The following ZNF718 variants were observed in gnomAD, a reference collection of about 807,000 sequenced individuals.
The protein encoded by ZNF718 is zinc finger protein 718.
A neutral mutation model predicts 2.6 loss-of-function variants in ZNF718; 3 were observed. That is an observed-to-expected ratio of 1.16 (90% CI 0.53 to 3.01). The LOEUF (loss-of-function observed/expected upper bound fraction) is 3.01. ZNF718 is among the 30% of genes most tolerant of loss of function. ZNF718 has a pLI of 0.03. For missense variants in ZNF718, 468 were observed against 230.0 expected (o/e 2.03, Z -6.69); for synonymous variants, 135 against 77.9 (o/e 1.73, Z -3.86).
At chr4:170,930 TAG>T (rs1717211254) in intron 3 of ZNF718, among the ~76,000 whole-genome samples, 2 of 152,210 alleles carry the variant, frequency 1.3e-5, no homozygotes, top group South Asian at 4.1e-4. Flanking sequence ...CTCTGATTTT[TAG>T]AGTTTCCAGT....
chr4:180,227 C>T (rs1330459109), intron 3 of ZNF718, among the ~76,000 whole-genome samples: 1 of 152,188 alleles, frequency 6.6e-6, no homozygotes, highest in Non-Finnish European at 1.5e-5. Context: ...AAGTTACCTA[C>T]ACTTTTTTTG....
At chr4:175,573 A>C (rs1717329382) in intron 3 of ZNF718, among the ~76,000 whole-genome samples, 1 of 152,216 alleles carries the variant, frequency 6.6e-6, no homozygotes, top group East Asian at 1.9e-4. Flanking sequence ...TATCTTGTGC[A>C]GCACCAGGAG....
intron 1 of ZNF718, among the ~76,000 whole-genome samples, chr4:130,200 A>G (rs1715316417): frequency 9.6e-6 from 1 of 104,042 alleles, no homozygotes; most frequent in African/African-American, 3.3e-5. Context: ...GAGTGTCAGC[A>G]ATAAGAAGAC....
Position 186,165 on chromosome 4 carries a change from G to A in ZNF718, c.227-14916G>A, listed in dbSNP as rs189257523. Among the ~76,000 whole-genome samples the A allele has an allele frequency of 1.1e-4, 17 of 152,200 alleles. No homozygotes were observed. The East Asian group carries it at 3.3e-3, about 29-fold the overall frequency. On this transcript the variant is annotated intron_variant and NMD_transcript_variant, in intron 3 of 4. Transcript: ENST00000642529. The stretch of plus-strand genomic sequence containing the variant: ...TTTAGTGCTTCCTTCAGGAGATCTT[G>A]TCTGGCAAGTCTGCTGGTAATAAAT...
chr4:170,810 G>T (rs1553817821), intron 3 of ZNF718, among the ~76,000 whole-genome samples: 1 of 152,000 alleles, frequency 6.6e-6, no homozygotes, highest in Non-Finnish European at 1.5e-5. Flanking sequence ...CTTTAGTTCG[G>T]AGTAGTTTGA....
rs965048070 is a variant in ZNF718, at chr4:148,833, A to G, written c.227-12079A>G. Among the ~76,000 whole-genome samples, 6 of 152,196 alleles carry G rather than the reference A, an allele frequency of 3.9e-5. No individual in the cohort carries two copies. The South Asian group carries it at 8.3e-4, about 21-fold the overall frequency. The stretch of plus-strand genomic sequence containing the variant: ...GACACAGGACATTATGAATTCTCCT[A>G]AGTGTCTTGGCAGATGGTGATAGTG... On this transcript the variant is annotated intron_variant, in intron 3 of 3. Transcript: ENST00000510175.
In ZNF718 at chr4:161,763, A is replaced by G. The variant is rs1410268925; in HGVS notation, c.1078A>G (p.Ile360Val). ...RSTTLTTHKR[I>V]HTGEKPYTCE... The stretch of plus-strand genomic sequence containing the variant: ...CACAACTCTTACGACACATAAGAGA[A>G]TCCATACTGGAGAGAAACCCTACAC... The change falls in exon 4 of 4, where the codon ATC becomes GTC. Residue 360 changes from isoleucine to valine, a missense_variant. Ile to Val is a conservative substitution (Grantham distance 29). Transcript: ENST00000510175. The G allele has an allele frequency of 2.6e-6, 2 of 780,478 alleles. No homozygotes were observed. Among genetic ancestry groups the G allele is most frequent in the Non-Finnish European group, 2.4e-6 (1 of 417,900 alleles). 48.3% of individuals were successfully genotyped at this position (780,478 alleles called of 1,614,324 possible).
At chr4:201,664 G>A (rs1717905041) in exon 5 of ZNF718, 3 of 181,370 alleles carry the variant, frequency 1.7e-5, no homozygotes, top group Admixed American at 5.3e-5. Flanking sequence ...CTTTATCAGG[G>A]CAATTGCTGA....
chr4:156,796 T>G (rs1165470998), intron 3 of ZNF718, among the ~76,000 whole-genome samples: 1 of 152,188 alleles, frequency 6.6e-6, no homozygotes, highest in Non-Finnish European at 1.5e-5. Context: ...ATTTTTTGCT[T>G]CTAAAAAACT....
chr4:127,016 G>A (rs1336574510), intron 1 of ZNF718, among the ~76,000 whole-genome samples: 1 of 152,026 alleles, frequency 6.6e-6, no homozygotes, highest in Non-Finnish European at 1.5e-5. Flanking sequence ...AGTAGAGACG[G>A]GGTTTCGCCA....
intron 3 of ZNF718, among the ~76,000 whole-genome samples, chr4:156,928 C>T (rs1280801283): frequency 6.6e-6 from 1 of 151,990 alleles, no homozygotes; most frequent in Non-Finnish European, 1.5e-5. Flanking sequence ...TTCATGTGAC[C>T]ATGTATATGA....
rs1298007772 is a variant in ZNF718 at position 133,183 on chromosome 4, AAAAAAAAAAAAAATATATATATATATAT to A, written c.226+1680_226+1707del. On this transcript the variant is annotated intron_variant, in intron 3 of 3. Transcript: ENST00000510175. ...ACACAGCAAGACTCCATCTTAAAAA[AAAAAAAAAAAAAATATATATATATATAT>A]ATATATATATATATATATGGTAACA... 1.9e-3 allele frequency among the ~76,000 whole-genome samples: 45 copies of A among 23,298 alleles called. 15 individuals are homozygous for A. The highest frequency in any genetic ancestry group is 7.5e-3 in the African/African-American group (39 of 5,228). 15.3% of individuals were successfully genotyped at this position (23,298 alleles called of 152,430 possible).
In ZNF718 at chr4:135,732, T is replaced by TTATATATATATATATATA. The variant is rs1303050207; in HGVS notation, c.226+4236_226+4237insATATATATATATATATAT. The stretch of plus-strand genomic sequence containing the variant: ...GAGTTTTTGTTCATTTACTCTAGAG[T>TTATATATATATATATATA]TATATATATGTGCATGATTATATAA... On this transcript the variant is annotated intron_variant, in intron 3 of 3. Coordinates refer to ENST00000510175, the MANE Select transcript of ZNF718 (RefSeq NM_001039127.6). 3.1e-3 allele frequency among the ~76,000 whole-genome samples: 242 copies of TTATATATATATATATATA among 77,614 alleles called. 17 individuals are homozygous for TTATATATATATATATATA. The highest frequency in any genetic ancestry group is 0.01 in the East Asian group (18 of 1,722). 50.9% of individuals were successfully genotyped at this position (77,614 alleles called of 152,430 possible). A position where few individuals can be genotyped will look rare whatever the true frequency, so the allele number is the denominator to read the frequency against.
downstream of ZNF718, among the ~76,000 whole-genome samples, chr4:168,770 T>C (rs1459416410): frequency 1.3e-5 from 2 of 152,184 alleles, no homozygotes; most frequent in African/African-American, 4.8e-5. Flanking sequence ...TTGCTAGTGG[T>C]CTATCAATTT....
rs1553807529 is a variant in ZNF718 at position 124,547 on chromosome 4, C to T, written c.-124C>T. The T allele has an allele frequency of 5.6e-6, 8 of 1,420,384 alleles. No individual in the cohort carries two copies. Among genetic ancestry groups the T allele is most frequent in the Non-Finnish European group, 6.9e-6 (7 of 1,021,560 alleles). 88.0% of individuals were successfully genotyped at this position (1,420,384 alleles called of 1,614,324 possible). A position where few individuals can be genotyped will look rare whatever the true frequency, so the allele number is the denominator to read the frequency against. On this transcript the variant is annotated 5_prime_UTR_variant, in exon 1 of 4. Coordinates refer to ENST00000510175, the MANE Select transcript of ZNF718 (RefSeq NM_001039127.6). Reference sequence around the variant, plus strand: ...CCAGAGCTCGGTTAGGGCCTCATCGCTCTGCTCCCGCTCCTTAGGGAAGCC... The same window carrying T: ...CCAGAGCTCGGTTAGGGCCTCATCGTTCTGCTCCCGCTCCTTAGGGAAGCC...
Position 129,616 on chromosome 4 carries a change from T to C in ZNF718, c.4-1172T>C, listed in dbSNP as rs1715304480. On this transcript the variant is annotated intron_variant, in intron 1 of 3. Coordinates refer to ENST00000510175, the MANE Select transcript of ZNF718 (RefSeq NM_001039127.6). ...AAAGTCAGTGTTTCTAGAGACATCC[T>C]ATCCAGCAACCTGTTCCCCATCTCT... is the stretch of plus-strand genomic sequence containing the variant. Among the ~76,000 whole-genome samples, 2 of 104,634 alleles carry C rather than the reference T, an allele frequency of 1.9e-5. 1 individual carries two copies. Among genetic ancestry groups the C allele is most frequent in the African/African-American group, 6.6e-5 (2 of 30,156 alleles). 68.6% of individuals were successfully genotyped at this position (104,634 alleles called of 152,430 possible).
rs1403727677 is a variant in ZNF718 at position 128,857 on chromosome 4, C to T, written c.4-1931C>T. On this transcript the variant is annotated intron_variant, in intron 1 of 3. Transcript: ENST00000510175. ...GGTTCTTTGGTGAAAAATGAGGAAT[C>T]TGGAGACTCAAACTGATCAATAAGC... is the stretch of plus-strand genomic sequence containing the variant. Among the ~76,000 whole-genome samples, 5 of 104,148 alleles carry T rather than the reference C, an allele frequency of 4.8e-5. 2 individuals are homozygous for T. The highest frequency in any genetic ancestry group is 1.1e-4 in the Non-Finnish European group (5 of 46,718). The allele number at this position is 104,148 out of a possible 152,430, so 68.3% of individuals were successfully genotyped here. A position where few individuals can be genotyped will look rare whatever the true frequency, so the allele number is the denominator to read the frequency against.
intron 3 of ZNF718, among the ~76,000 whole-genome samples, chr4:183,646 T>C (rs1441494090): frequency 6.6e-6 from 1 of 152,192 alleles, no homozygotes; most frequent in Non-Finnish European, 1.5e-5. Context: ...GGGCATGGAA[T>C]GTATTTCCAT....
chr4:134,419 CAGGCGTGA>C lies in ZNF718; in HGVS notation c.226+2915_226+2922del, dbSNP rs1240195230. On this transcript the variant is annotated intron_variant, in intron 3 of 3. Transcript: ENST00000510175. ...CGGCCTCCCAAAGTGCTGGGGATTA[CAGGCGTGA>C]GCCACCGTGCCCAGCCAATCAGTGT... is the stretch of plus-strand genomic sequence containing the variant. 2.6e-5 allele frequency among the ~76,000 whole-genome samples: 4 copies of C among 152,214 alleles called. No individual in the cohort carries two copies. The East Asian group carries it at 7.7e-4, about 29-fold the overall frequency.
Sources: allele counts gnomAD v4.1 joint callset (sites outside exome capture counted in the v4.1 genomes callset), GRCh38; gene constraint gnomAD v4.1.1; transcripts MANE v1.5; gene names NCBI Gene and HGNC (gene_info 2026-07-23, HGNC 2026-07-21).